Variants in ZNF827 observed in about 807,000 individuals in gnomAD.
ZNF827 encodes zinc finger protein 827.
ZNF827 carries 13 observed loss-of-function variants against 102.4 expected under a neutral mutation model. The observed-to-expected ratio is 0.13, with a 90% confidence interval of 0.08 to 0.20. ZNF827 has a LOEUF of 0.20. Among genes scored for constraint, ZNF827 ranks in the 10% least tolerant of loss-of-function variants. ZNF827 has a pLI of 1.00. For missense variants in ZNF827, 1,103 were observed against 1,344.4 expected (o/e 0.82, Z 2.81); for synonymous variants, 523 against 536.2 (o/e 0.98, Z 0.34).
chr4:145,861,979 A>G (rs917648393), intron 5 of ZNF827, among the ~76,000 whole-genome samples: 5 of 152,212 alleles, frequency 3.3e-5, no homozygotes, highest in African/African-American at 1.2e-4. Context: ...TCAAAAAAGC[A>G]AAAAGGGTAG....
intron 8 of ZNF827, among the ~76,000 whole-genome samples, chr4:145,816,480 CA>C (rs1302739626): frequency 1.3e-5 from 2 of 152,216 alleles, no homozygotes; most frequent in Non-Finnish European, 2.9e-5. Flanking sequence ...TAGGGGCTGA[CA>C]ACTTAATTTA....
intron 7 of ZNF827, 133 bp from the exon 8 acceptor site, chr4:145,823,658 A>G: frequency 1.6e-6 from 1 of 634,830 alleles, no homozygotes; most frequent in Non-Finnish European, 2.8e-6. Flanking sequence ...TAGTGAATAT[A>G]AGAAGATTGT....
At position 145,902,785 on chromosome 4, in the gene ZNF827, C is replaced by T. The variant is rs765128822; in HGVS notation, c.474G>A (p.Pro158=). The change falls in exon 2 of 15, where the codon CCG becomes CCA. Residue 158 remains proline, a synonymous_variant. Transcript: ENST00000508784. The surrounding 1 kb of genome is among the most constrained non-coding windows in gnomAD (Gnocchi z 4.3). The part of the protein sequence containing the change: ...VNVGSNLSFS[P]PSHHAQQLSV... The stretch of plus-strand genomic sequence containing the variant: ...TGAGCTGCTGGGCGTGGTGGGAAGG[C>T]GGGGAAAAGGAGAGGTTCGAGCCAA... 3.0e-5 allele frequency: 48 copies of T among 1,614,000 alleles called. 1 individual carries two copies. In the South Asian group the frequency reaches 3.8e-4, roughly 13 times the overall value.
chr4:145,787,331 C>T (rs1319802928), intron 8 of ZNF827, among the ~76,000 whole-genome samples: 14 of 152,044 alleles, frequency 9.2e-5, no homozygotes, highest in Middle Eastern at 3.4e-3. Flanking sequence ...AGCGTGGTGG[C>T]GCGCGCCTGT....
chr4:145,812,290 T>A (rs1020741430), intron 8 of ZNF827, among the ~76,000 whole-genome samples: 1 of 152,080 alleles, frequency 6.6e-6, no homozygotes, highest in Admixed American at 6.5e-5. Context: ...AGATTTATTA[T>A]CACATGAGAA....
intron 1 of ZNF827, 147 bp downstream of exon 1, chr4:145,938,218 C>A: frequency 2.2e-6 from 2 of 912,536 alleles, no homozygotes; most frequent in Non-Finnish European, 3.5e-6. Flanking sequence ...TAGACCTAAA[C>A]GAGGAGTAAC....
At chr4:145,935,413 G>C (rs116726715) in intron 1 of ZNF827, among the ~76,000 whole-genome samples, 4,017 of 152,296 alleles carry the variant, frequency 0.026, 169 homozygotes, top group African/African-American at 0.092. Flanking sequence ...GACTGTGATT[G>C]AACTGCAAAA....
chr4:145,908,475 A>C (rs1346017681), intron 1 of ZNF827, among the ~76,000 whole-genome samples: 3 of 152,176 alleles, frequency 2.0e-5, no homozygotes, highest in Non-Finnish European at 4.4e-5. Context: ...TTCATGTAAA[A>C]ATCTTGTAAG....
intron 7 of ZNF827, chr4:145,832,504 GTC>G (rs774445651): frequency 6.6e-6 from 1 of 152,068 alleles, no homozygotes; most frequent in Non-Finnish European, 1.5e-5. Context: ...GTCTCCCTCT[GTC>G]TCTGTCTCTC....
chr4:145,878,682 GGAGA>G (rs1749393751), intron 4 of ZNF827, among the ~76,000 whole-genome samples: 1 of 150,166 alleles, frequency 6.7e-6, no homozygotes, highest in African/African-American at 2.5e-5. Context: ...AGGAAGGAAG[GGAGA>G]GAGAGGAAGG....
intron 1 of ZNF827, among the ~76,000 whole-genome samples, chr4:145,903,847 G>A (rs74918981): frequency 0.036 from 5,429 of 152,256 alleles, 126 homozygotes; most frequent in South Asian, 0.094. Context: ...AAACAGTCAA[G>A]TACCGTATAA....
intron 8 of ZNF827, among the ~76,000 whole-genome samples, chr4:145,781,000 T>C (rs543444814): frequency 4.1e-4 from 62 of 152,022 alleles, no homozygotes; most frequent in African/African-American, 1.5e-3. Context: ...ATCGAGACCA[T>C]CCTGGCTAAC....
intron 7 of ZNF827, among the ~76,000 whole-genome samples, 180 bp from the exon 8 acceptor site, chr4:145,823,705 A>C (rs1743387237): frequency 6.6e-6 from 1 of 152,232 alleles, no homozygotes. Context: ...ATTACATCAG[A>C]CAAGTGCCAG....
chr4:145,905,927 T>A (rs1326271337), intron 1 of ZNF827, among the ~76,000 whole-genome samples: 2 of 152,220 alleles, frequency 1.3e-5, no homozygotes, highest in Non-Finnish European at 2.9e-5. Context: ...TTAGGTCATA[T>A]GTGTGTCATA....
intron 7 of ZNF827, among the ~76,000 whole-genome samples, chr4:145,843,245 G>A (rs940625136): frequency 2.7e-5 from 4 of 148,662 alleles, no homozygotes; most frequent in African/African-American, 7.4e-5. Flanking sequence ...AAACCACACC[G>A]AGGACTTTGT....
intron 8 of ZNF827, among the ~76,000 whole-genome samples, chr4:145,821,726 C>G (rs1263530050): frequency 6.6e-6 from 1 of 152,104 alleles, no homozygotes; most frequent in East Asian, 1.9e-4. Flanking sequence ...CCTTCTCCCC[C>G]AAATAAGAGT....
chr4:145,851,593 T>A (rs979380140), intron 5 of ZNF827, among the ~76,000 whole-genome samples: 1 of 152,202 alleles, frequency 6.6e-6, no homozygotes, highest in African/African-American at 2.4e-5. Context: ...AGAGTGTTAA[T>A]TGCTCTTTTT....
At chr4:145,802,712 C>T (rs1398662233) in intron 8 of ZNF827, among the ~76,000 whole-genome samples, 2 of 152,220 alleles carry the variant, frequency 1.3e-5, no homozygotes, top group African/African-American at 2.4e-5. Flanking sequence ...AATCCCAGCA[C>T]CCTGGGACAT....
In ZNF827 at chr4:145,763,162, C is replaced by G; in HGVS notation, c.3231-40G>C. ...AAATAATAGTATAATCTTATTTGAT[C>G]TGCATTATGAACAGGATATAGAGTA... is the stretch of plus-strand genomic sequence containing the variant. On this transcript the variant is annotated intron_variant, in intron 13 of 14. Coordinates refer to ENST00000508784, the MANE Select transcript of ZNF827 (RefSeq NM_001306215.2). The surrounding 1 kb of genome is among the most constrained non-coding windows in gnomAD (Gnocchi z 4.6). 1 of 1,533,498 alleles carries G rather than the reference C, an allele frequency of 6.5e-7. No individual in the cohort carries two copies. Among genetic ancestry groups the G allele is most frequent in the Middle Eastern group, 1.7e-4 (1 of 5,984 alleles). The allele number at this position is 1,533,498 out of a possible 1,614,324, so 95.0% of individuals were successfully genotyped here. A position where few individuals can be genotyped will look rare whatever the true frequency, so the allele number is the denominator to read the frequency against.
Sources: allele counts gnomAD v4.1 joint callset (sites outside exome capture counted in the v4.1 genomes callset), GRCh38; gene constraint gnomAD v4.1.1; non-coding constraint Gnocchi (gnomAD v3.1); transcripts MANE v1.5; gene names NCBI Gene and HGNC (gene_info 2026-07-23, HGNC 2026-07-21).